Variants in AKAP10 observed in about 807,000 individuals in gnomAD.
AKAP10 encodes the protein A-kinase anchor protein 10, mitochondrial.
AKAP10 carries 24 observed loss-of-function variants against 80.8 expected under a neutral mutation model. That is an observed-to-expected ratio of 0.30 (90% confidence interval 0.22 to 0.42). AKAP10 has a LOEUF of 0.42. Among genes scored for constraint, AKAP10 ranks in the 10% least tolerant of loss-of-function variants. The pLI is 1.00. For synonymous variants in AKAP10, 291 were observed against 277.7 expected (o/e 1.05, Z -0.48); for missense variants, 661 against 794.9 (o/e 0.83, Z 2.03).
intron 1 of AKAP10, among the ~76,000 whole-genome samples, chr17:19,972,125 T>C (rs1204596009): frequency 1.3e-5 from 2 of 152,194 alleles, no homozygotes; most frequent in African/African-American, 4.8e-5. Flanking sequence ...AAACAAATTA[T>C]GTGCATTTTT....
chr17:19,920,659 A>T (rs1365214474), intron 11 of AKAP10, among the ~76,000 whole-genome samples: 5 of 152,080 alleles, frequency 3.3e-5, no homozygotes, highest in Non-Finnish European at 7.4e-5. Context: ...CCTGGCCAAC[A>T]TGGTGAAACC....
rs563055591 is a variant in AKAP10 at position 19,922,927 on chromosome 17, T to C, written c.1751+1481A>G. On this transcript the variant is annotated intron_variant, in intron 11 of 14. Coordinates refer to ENST00000225737, the MANE Select transcript of AKAP10 (RefSeq NM_007202.4). The stretch of plus-strand genomic sequence containing the variant: ...AAAACCAAAACAAAACAAAAACATA[T>C]ATATTTACATTATACATACACACAA... Among the ~76,000 whole-genome samples, 151 of 152,136 alleles carry C rather than the reference T, an allele frequency of 9.9e-4. 4 individuals are homozygous for C. The South Asian group carries it at 0.029, about 29-fold the overall frequency.
At chr17:19,955,307 G>GT (rs1567771267) in intron 4 of AKAP10, among the ~76,000 whole-genome samples, 1 of 152,162 alleles carries the variant, frequency 6.6e-6, no homozygotes, top group African/African-American at 2.4e-5. Context: ...TGGGATAGAG[G>GT]TGGGGCTTGA....
chr17:19,918,002 C>T (rs2042766781), intron 12 of AKAP10, among the ~76,000 whole-genome samples: 1 of 151,790 alleles, frequency 6.6e-6, no homozygotes, highest in Non-Finnish European at 1.5e-5. Context: ...GGGCAGATTA[C>T]GAGGTCAGGA....
At chr17:19,922,973 G>A (rs944164583) in intron 11 of AKAP10, among the ~76,000 whole-genome samples, 4 of 152,148 alleles carry the variant, frequency 2.6e-5, no homozygotes, top group East Asian at 1.9e-4. Context: ...GAAAAATCAC[G>A]CAATTGATAG....
At chr17:19,941,723 T>G (rs1441226399) in intron 6 of AKAP10, 103 bp downstream of exon 6, 19 of 775,786 alleles carry the variant, frequency 2.4e-5, no homozygotes, top group Non-Finnish European at 3.3e-5. Flanking sequence ...TCCAAAATAT[T>G]TAAATTCTCA....
intron 4 of AKAP10, among the ~76,000 whole-genome samples, chr17:19,954,651 A>ATTTT (rs575010093): frequency 7.1e-6 from 1 of 140,098 alleles, no homozygotes; most frequent in Non-Finnish European, 1.5e-5. Context: ...CGCCCGGCTA[A>ATTTT]TTTTTTTTTT....
rs1049590 is a variant in AKAP10 at position 19,931,875 on chromosome 17, A to G, written c.1571T>C (p.Leu524Pro). The G allele has an allele frequency of 3.1e-6, 5 of 1,614,172 alleles. No homozygotes were observed. The highest frequency in any genetic ancestry group is 3.4e-6 in the Non-Finnish European group (4 of 1,180,036). ...GDEFLGGNVS[L>P]TAPGSVGPPD... is the part of the protein sequence containing the mutation. Reference sequence around the variant, plus strand: ...AGGGCCAACAGAGCCAGGAGCAGTCAGCGACACGTTCCCGCCCAGAAATTC... The same window carrying G: ...AGGGCCAACAGAGCCAGGAGCAGTCGGCGACACGTTCCCGCCCAGAAATTC... The change falls in exon 10 of 15, where the codon CTG (leucine) becomes CCG (proline). Residue 524 changes from leucine to proline, a missense_variant. By Grantham distance (98) the Leu-to-Pro change is moderately conservative. Transcript: ENST00000225737.
At chr17:19,934,407 G>C in intron 9 of AKAP10, among the ~76,000 whole-genome samples, 1 of 152,110 alleles carries the variant, frequency 6.6e-6, no homozygotes, top group Non-Finnish European at 1.5e-5. Context: ...GAGTGCAGGG[G>C]CATGAACACG....
In AKAP10 at chr17:19,947,389, G is replaced by A; in HGVS notation, c.976+18C>T. The A allele has an allele frequency of 1.3e-6, 2 of 1,552,942 alleles. No homozygotes were observed. Among genetic ancestry groups the A allele is most frequent in the East Asian group, 2.2e-5 (1 of 44,524 alleles). On this transcript the variant is annotated intron_variant, in intron 5 of 14. Coordinates refer to ENST00000225737, the MANE Select transcript of AKAP10 (RefSeq NM_007202.4). ...TTTTTGTCATTTTTTTTTTGCCATA[G>A]TTTCAAGCACTGCTTACCTATGATG...
chr17:19,946,947 C>T (rs187147158), intron 5 of AKAP10, among the ~76,000 whole-genome samples: 352 of 152,366 alleles, frequency 2.3e-3, no homozygotes, highest in African/African-American at 8.2e-3. Flanking sequence ...ACTGAGACAC[C>T]TGTCTGGCCA....
chr17:19,920,887 C>CAAAAAAAAAAAAAAAAAAA (rs2042805303), intron 11 of AKAP10, among the ~76,000 whole-genome samples: 8 of 66,860 alleles, frequency 1.2e-4, no homozygotes, highest in African/African-American at 4.4e-4. Flanking sequence ...AAAAAAAAAG[C>CAAAAAAAAAAAAAAAAAAA]AAAAAATACA....
At position 19,924,522 on chromosome 17, in the gene AKAP10, A is replaced by G. The variant is rs1278407261; in HGVS notation, c.1642-5T>C. On this transcript the variant is annotated splice_region_variant and splice_polypyrimidine_tract_variant and intron_variant, in intron 10 of 14. Coordinates refer to ENST00000225737, the MANE Select transcript of AKAP10 (RefSeq NM_007202.4). ...ACTGGCTTTTTTCACACTGGACTACAATAGAAATTGTAAAATTAGAAGTAT... is the reference window on the plus strand; with the variant it reads ...ACTGGCTTTTTTCACACTGGACTACGATAGAAATTGTAAAATTAGAAGTAT... 2.6e-6 allele frequency: 4 copies of G among 1,565,080 alleles called. No individual in the cohort carries two copies. Among genetic ancestry groups the G allele is most frequent in the African/African-American group, 2.7e-5 (2 of 73,386 alleles).
chr17:19,906,201 A>T lies in AKAP10; in HGVS notation c.*26T>A. 6.2e-7 allele frequency: 1 copy of T among 1,605,010 alleles called. No homozygotes were observed. Among genetic ancestry groups the T allele is most frequent in the Non-Finnish European group, 8.5e-7 (1 of 1,174,718 alleles). ...AAAAGTTCTCTTATTTTTCACAAGC[A>T]GATTTCCTTTATCTCAAGTTTTGAG... is the stretch of plus-strand genomic sequence containing the variant. On this transcript the variant is annotated 3_prime_UTR_variant, in exon 15 of 15. Transcript: ENST00000225737.
chr17:19,973,363 A>G (rs1253980500), intron 1 of AKAP10, among the ~76,000 whole-genome samples: 2 of 152,246 alleles, frequency 1.3e-5, no homozygotes, highest in East Asian at 3.8e-4. Flanking sequence ...AGAGTGTGAC[A>G]GAAACCATAT....
rs371796743 is a variant in AKAP10 at position 19,949,777 on chromosome 17, AAG to A, written c.878-2274_878-2273del. Among the ~76,000 whole-genome samples the A allele has an allele frequency of 5.2e-3, 637 of 123,354 alleles. 24 individuals are homozygous for A. The East Asian group carries it at 0.1, about 20-fold the overall frequency. 80.9% of individuals were successfully genotyped at this position (123,354 alleles called of 152,430 possible). ...AAGAGAGACTCTGTCTCAAAAAAAA[AAG>A]AGAAAAAAAAAAAAAAACGGTGTTA... On this transcript the variant is annotated intron_variant, in intron 4 of 14. Transcript: ENST00000225737.
intron 9 of AKAP10, 80 bp from the exon 10 acceptor site, chr17:19,932,058 T>C: frequency 2.3e-6 from 3 of 1,291,486 alleles, no homozygotes; most frequent in Middle Eastern, 2.7e-4. Flanking sequence ...ATTTTACCTA[T>C]AATTCTACTG....
intron 1 of AKAP10, among the ~76,000 whole-genome samples, chr17:19,973,027 T>C (rs28424266): frequency 0.07 from 10,689 of 152,262 alleles, 1,058 homozygotes; most frequent in African/African-American, 0.22. Flanking sequence ...TCACCCTGGC[T>C]GGAGTGCAGT....
intron 2 of AKAP10, among the ~76,000 whole-genome samples, chr17:19,963,704 G>A (rs2043381534): frequency 6.6e-6 from 1 of 152,012 alleles, no homozygotes; most frequent in Admixed American, 6.6e-5. Context: ...AGACCAGCCT[G>A]ACCAACATGG....
Sources: gnomAD v4.1 joint callset for allele counts (sites outside exome capture counted in the v4.1 genomes callset) on GRCh38, gnomAD v4.1.1 for gene constraint, MANE v1.5 for transcripts, NCBI Gene and HGNC (gene_info 2026-07-23, HGNC 2026-07-21) for gene names.